FAN1: variants seen among roughly 807,000 people sequenced by gnomAD.
FAN1 encodes the protein FANCD2 and FANCI associated nuclease 1, also known as fanconi-associated nuclease 1.
In FAN1, 91 loss-of-function variants were observed where a neutral mutation model predicts 104.9. The ratio of observed to expected loss-of-function variants is 0.87; its 90% CI spans 0.73 to 1.03. The LOEUF is 1.03. Among genes scored for constraint, FAN1 ranks in the 50% least tolerant of loss-of-function variants. FAN1 has a pLI of 0.00. For synonymous variants in FAN1, 478 were observed against 457.6 expected (o/e 1.04, Z -0.57); for missense variants, 1,263 against 1,239.9 (o/e 1.02, Z -0.28).
chr15:30,919,869 A>G (rs2062282427), intron 6 of FAN1, among the ~76,000 whole-genome samples: 1 of 152,170 alleles, frequency 6.6e-6, no homozygotes, highest in African/African-American at 2.4e-5. Context: ...AAGCAGAAGA[A>G]AATCCACATA....
At chr15:30,940,884 G>T in intron 14 of FAN1, 2 of 1,017,020 alleles carry the variant, frequency 2.0e-6, no homozygotes, top group Non-Finnish European at 2.4e-6. Flanking sequence ...TCATTTTAAA[G>T]TTGACCCTAT....
At chr15:30,909,284 T>C (rs530401216) in intron 3 of FAN1, among the ~76,000 whole-genome samples, 9 of 152,190 alleles carry the variant, frequency 5.9e-5, no homozygotes, top group Admixed American at 4.6e-4. Flanking sequence ...TGAAGCGAAG[T>C]GAGCAGGAAG....
chr15:30,941,640 C>T lies in FAN1; in HGVS notation c.*78C>T, dbSNP rs750116545. On this transcript the variant is annotated 3_prime_UTR_variant, in exon 15 of 15. Coordinates refer to ENST00000362065, the MANE Select transcript of FAN1 (RefSeq NM_014967.5). ...CCCGAGGTGTCGGTGTGGTGAGGGC[C>T]GCTGGCGTTGAAGTACATCCTGCTC... is the stretch of plus-strand genomic sequence containing the variant. The T allele has an allele frequency of 6.5e-5, 105 of 1,608,938 alleles. No individual in the cohort carries two copies. The highest frequency in any genetic ancestry group is 1.5e-4 in the South Asian group (14 of 90,378).
chr15:30,930,409 C>A, intron 12 of FAN1, 134 bp from the exon 13 acceptor site: 3 of 1,013,840 alleles, frequency 3.0e-6, no homozygotes, highest in Non-Finnish European at 4.1e-6. Context: ...AGCAGAACAG[C>A]GCATGGTGGG....
At chr15:30,916,914 C>G (rs1166530072) in intron 5 of FAN1, among the ~76,000 whole-genome samples, 1 of 151,968 alleles carries the variant, frequency 6.6e-6, no homozygotes, top group Non-Finnish European at 1.5e-5. Context: ...TGAAGTGGGA[C>G]TTGAGGATGA....
rs567307318 is a variant in FAN1, at chr15:30,927,365, T to C, written c.2489-1188T>C. The C allele has an allele frequency of 9.9e-4, 977 of 985,516 alleles. 8 individuals carry two copies. Among genetic ancestry groups the C allele is most frequent in the Middle Eastern group, 8.4e-3 (16 of 1,914 alleles). The allele number at this position is 985,516 out of a possible 1,614,324, so 61.0% of individuals were successfully genotyped here. A position where few individuals can be genotyped will look rare whatever the true frequency, so the allele number is the denominator to read the frequency against. On this transcript the variant is annotated intron_variant, in intron 10 of 14. Coordinates refer to ENST00000362065, the MANE Select transcript of FAN1 (RefSeq NM_014967.5). ...TGAAGTGTTCTAGGAAGAAAAGTCC[T>C]CCTGGAAGACTTGGCAACAGCCAGG...
intron 4 of FAN1, among the ~76,000 whole-genome samples, chr15:30,912,101 G>C: frequency 6.6e-6 from 1 of 151,594 alleles, no homozygotes; most frequent in East Asian, 1.9e-4. Flanking sequence ...CTTGGTATAT[G>C]CACTTAGCAT....
chr15:30,939,526 C>G, intron 14 of FAN1: 1 of 978,438 alleles, frequency 1.0e-6, no homozygotes, highest in Non-Finnish European at 1.2e-6. Context: ...TAACAACTGT[C>G]CAGCAAAAAT....
rs140632948 is a variant in FAN1 at position 30,905,841 on chromosome 15, T to C, written c.1178T>C (p.Met393Thr). 82 of 1,614,112 alleles carry C rather than the reference T, an allele frequency of 5.1e-5. No individual in the cohort carries two copies. The highest frequency in any genetic ancestry group is 6.1e-5 in the Non-Finnish European group (72 of 1,179,944). ...ACCGTACTTGAGAATGAAGATGATA[T>C]GTTGCTCTTTGATGAGCAGGAGAAG... ...LKTVLENEDD[M>T]LLFDEQEKGI... is the part of the protein sequence containing the mutation. The change falls in exon 2 of 15, where the codon ATG becomes ACG. Residue 393 changes from methionine to threonine, a missense_variant. Physicochemically the swap from Met to Thr is moderately conservative, Grantham distance 81 (BLOSUM62 -1). Coordinates refer to ENST00000362065, the MANE Select transcript of FAN1 (RefSeq NM_014967.5).
chr15:30,941,885 T>C lies in FAN1; in HGVS notation c.*323T>C, dbSNP rs375121625. 350 of 1,613,886 alleles carry C rather than the reference T, an allele frequency of 2.2e-4. No individual in the cohort carries two copies. The highest frequency in any genetic ancestry group is 2.8e-4 in the Non-Finnish European group (331 of 1,179,902). ...ACGTGGCAGAATAACACCGTGCAGG[T>C]TGGCGGGTTTGGAAAACCATTCTCT... is the stretch of plus-strand genomic sequence containing the variant. On this transcript the variant is annotated 3_prime_UTR_variant, in exon 15 of 15. Transcript: ENST00000362065.
At chr15:30,918,751 T>C (rs2062247599) in intron 6 of FAN1, among the ~76,000 whole-genome samples, 1 of 152,262 alleles carries the variant, frequency 6.6e-6, no homozygotes, top group African/African-American at 2.4e-5. Context: ...TTTATTTTGT[T>C]GAAAATGGTA....
chr15:30,914,217 T>G (rs779397992), intron 5 of FAN1, 126 bp downstream of exon 5: 45 of 680,066 alleles, frequency 6.6e-5, no homozygotes, highest in Non-Finnish European at 9.8e-5. Context: ...TTTAATCTTT[T>G]TTTGCCCCAC....
In FAN1 at chr15:30,905,276, A is replaced by G. The variant is rs2061949327; in HGVS notation, c.613A>G (p.Ile205Val). ...TTCAGAAATTGAGGACGAGGATCAA[A>G]TTTTGGAGAACAGTTCTCAAAAAGA... ...NSSEIEDEDQILENSSQKENV... is the reference protein window; with the variant it reads ...NSSEIEDEDQVLENSSQKENV... The change falls in exon 2 of 15, where the codon ATT (isoleucine) becomes GTT (valine). Residue 205 changes from isoleucine (I) to valine (V), a missense_variant. Physicochemically the swap from Ile to Val is conservative, Grantham distance 29 (BLOSUM62 3). This residue lies in a region of FAN1 where 682 missense variants were observed against 571.1 expected (regional missense o/e 1.19). Coordinates refer to ENST00000362065, the MANE Select transcript of FAN1 (RefSeq NM_014967.5). The G allele has an allele frequency of 1.2e-6, 2 of 1,613,972 alleles. No homozygotes were observed. The highest frequency in any genetic ancestry group is 1.3e-5 in the African/African-American group (1 of 74,940).
In FAN1 at chr15:30,942,004, T is replaced by C. The variant is rs143879487; in HGVS notation, c.*442T>C. ...TCAATGAATTTCTCCTTGGAAGTAATTCTTGGTCACTGATGATTCCATTCT... is the reference window on the plus strand; with the variant it reads ...TCAATGAATTTCTCCTTGGAAGTAACTCTTGGTCACTGATGATTCCATTCT... On this transcript the variant is annotated 3_prime_UTR_variant, in exon 15 of 15. Transcript: ENST00000362065. The C allele has an allele frequency of 1.7e-3, 2,677 of 1,613,846 alleles. 43 individuals are homozygous for C. The African/African-American group carries it at 0.032, about 19-fold the overall frequency.
At chr15:30,914,118 G>A (rs1218637003) in intron 5 of FAN1, 27 bp downstream of exon 5, 12 of 1,436,240 alleles carry the variant, frequency 8.4e-6, no homozygotes, top group Admixed American at 1.9e-5. Flanking sequence ...TCACTATAAT[G>A]TCTATATGTG....
chr15:30,928,935 G>A (rs577593166), intron 11 of FAN1: 3 of 378,600 alleles, frequency 7.9e-6, no homozygotes, highest in Non-Finnish European at 7.3e-6. Flanking sequence ...CTGCCGTGTC[G>A]CAGGCACTGT....
In FAN1 at chr15:30,937,130, T is replaced by TA; in HGVS notation, c.2931dup (p.Gly978ArgfsTer4). 2 of 1,609,062 alleles carry TA rather than the reference T, an allele frequency of 1.2e-6. No homozygotes were observed. Among genetic ancestry groups the TA allele is most frequent in the Non-Finnish European group, 1.7e-6 (2 of 1,178,800 alleles). ...AATTTCTTTTCCAGCTGGTGGAAGT[T>TA]AAAGGCCCCAATGATCGTCTTTCAC... On this transcript the variant is annotated frameshift_variant, in exon 14 of 15. Coordinates refer to ENST00000362065, the MANE Select transcript of FAN1 (RefSeq NM_014967.5). LOFTEE classifies it high-confidence loss of function.
At position 30,905,765 on chromosome 15, in the gene FAN1, C is replaced by G. The variant is rs778075842; in HGVS notation, c.1102C>G (p.Gln368Glu). 1.9e-6 allele frequency: 3 copies of G among 1,614,172 alleles called. No homozygotes were observed. The highest frequency in any genetic ancestry group is 2.2e-5 in the East Asian group (1 of 44,882). ...EQGSSCNGPG[Q>E]TTGHPYYLRS... ...GGGGTCAAGCTGCAATGGTCCTGGT[C>G]AAACAACCGGTCATCCTTACTACCT... Residue 368 changes from glutamine to glutamate, a missense_variant, in exon 2 of 15, where the codon CAA becomes GAA. Coordinates refer to ENST00000362065, the MANE Select transcript of FAN1 (RefSeq NM_014967.5).
Position 30,942,831 on chromosome 15 carries a change from G to A in FAN1, c.*1269G>A. 6.8e-7 allele frequency: 1 copy of A among 1,466,242 alleles called. No homozygotes were observed. The highest frequency in any genetic ancestry group is 9.2e-7 in the Non-Finnish European group (1 of 1,087,724). The allele number at this position is 1,466,242 out of a possible 1,614,324, so 90.8% of individuals were successfully genotyped here. On this transcript the variant is annotated 3_prime_UTR_variant, in exon 15 of 15. Transcript: ENST00000362065. ...CTTTACTTTTAACGCTCTCTGTTCT[G>A]AAAAAGAGGTGTTTGGTTACGTGTG...
Sources: gnomAD v4.1 joint callset for allele counts (sites outside exome capture counted in the v4.1 genomes callset) on GRCh38, gnomAD v4.1.1 for gene constraint, gnomAD v4.1.1 regional missense constraint, MANE v1.5 for transcripts, NCBI Gene and HGNC (gene_info 2026-07-23, HGNC 2026-07-21) for gene names.